Variants in CHRM5 observed in about 807,000 individuals in gnomAD.
The protein encoded by CHRM5 is cholinergic receptor muscarinic 5.
CHRM5 carries 18 observed loss-of-function variants against 39.0 expected under a neutral mutation model. The ratio of observed to expected loss-of-function variants is 0.46; its 90% CI spans 0.32 to 0.68. The LOEUF is 0.68. Among genes scored for constraint, CHRM5 ranks in the 30% least tolerant of loss-of-function variants. The pLI, the probability that CHRM5 is intolerant of heterozygous loss-of-function variation, is 0.04. For missense variants in CHRM5, 515 were observed against 651.1 expected (o/e 0.79, Z 2.28); for synonymous variants, 241 against 246.3 (o/e 0.98, Z 0.20).
chr15:33,983,813 T>C (rs1224510245), intron 1 of CHRM5, among the ~76,000 whole-genome samples: 2 of 151,798 alleles, frequency 1.3e-5, no homozygotes, highest in Non-Finnish European at 2.9e-5. Context: ...GTGATCAGAG[T>C]TAACATCATC....
At chr15:33,983,162 G>GTA (rs1448883605) in intron 1 of CHRM5, among the ~76,000 whole-genome samples, 1 of 87,204 alleles carries the variant, frequency 1.1e-5, no homozygotes, top group East Asian at 5.1e-4. Context: ...GTGTGTGTAT[G>GTA]TGTGTGTGTA....
chr15:33,995,801 G>C (rs1372608917), intron 1 of CHRM5, among the ~76,000 whole-genome samples: 1 of 152,238 alleles, frequency 6.6e-6, no homozygotes, highest in African/African-American at 2.4e-5. Context: ...TTCCAACTGA[G>C]GTACCTGGTT....
intron 1 of CHRM5, among the ~76,000 whole-genome samples, chr15:33,995,395 G>A (rs1431781779): frequency 6.6e-6 from 1 of 152,172 alleles, no homozygotes; most frequent in African/African-American, 2.4e-5. Flanking sequence ...ATTTAAAGAT[G>A]ATTTAAAGTA....
At chr15:34,031,734 G>C (rs947234190) in intron 1 of CHRM5, among the ~76,000 whole-genome samples, 31 of 152,228 alleles carry the variant, frequency 2.0e-4, no homozygotes, top group African/African-American at 7.5e-4. Flanking sequence ...CACAGGAATT[G>C]CCTTTTAAGC....
intron 2 of CHRM5, among the ~76,000 whole-genome samples, chr15:34,055,097 C>T (rs563365825): frequency 1.3e-5 from 2 of 151,706 alleles, no homozygotes; most frequent in South Asian, 4.2e-4. Context: ...GAGGCTGAGG[C>T]AGGAGAATCA....
At chr15:33,996,361 C>G (rs541291927) in intron 1 of CHRM5, among the ~76,000 whole-genome samples, 1 of 152,138 alleles carries the variant, frequency 6.6e-6, no homozygotes, top group African/African-American at 2.4e-5. Context: ...GTTCTGAGAA[C>G]CGACAGACTG....
At chr15:33,978,518 G>C (rs1248578921) in intron 1 of CHRM5, among the ~76,000 whole-genome samples, 1 of 151,902 alleles carries the variant, frequency 6.6e-6, no homozygotes, top group Non-Finnish European at 1.5e-5. Context: ...ACAAAAATTA[G>C]CCGGCATGGT....
chr15:34,047,102 G>A (rs1227129008), intron 2 of CHRM5, among the ~76,000 whole-genome samples: 6 of 150,834 alleles, frequency 4.0e-5, no homozygotes, highest in African/African-American at 1.5e-4. Flanking sequence ...TTTGGAGACG[G>A]AGTCTCGTTC....
At chr15:34,013,429 T>A (rs1897723430) in intron 1 of CHRM5, among the ~76,000 whole-genome samples, 1 of 152,206 alleles carries the variant, frequency 6.6e-6, no homozygotes, top group South Asian at 2.1e-4. Flanking sequence ...TAAACTTATT[T>A]CTTTAAGTAC....
intron 1 of CHRM5, among the ~76,000 whole-genome samples, chr15:34,013,005 G>T (rs1310198897): frequency 2.6e-5 from 4 of 152,120 alleles, no homozygotes. Flanking sequence ...TAATCAAAAT[G>T]AATGTAGCAT....
In CHRM5 at chr15:34,047,043, C is replaced by G. The variant is rs945497304; in HGVS notation, c.-76+172C>G. 4.0e-5 allele frequency among the ~76,000 whole-genome samples: 6 copies of G among 151,278 alleles called. No homozygotes were observed. The South Asian group carries it at 1.3e-3, about 32-fold the overall frequency. ...CGCTCAGGCACAAACAGAGACCTAGCAGGGCTTTTTTGTTTTGGTTTTTTT... is the reference window on the plus strand; with the variant it reads ...CGCTCAGGCACAAACAGAGACCTAGGAGGGCTTTTTTGTTTTGGTTTTTTT... On this transcript the variant is annotated intron_variant, in intron 2 of 2. Transcript: ENST00000383263.
intron 1 of CHRM5, among the ~76,000 whole-genome samples, chr15:34,014,015 A>T (rs546559663): frequency 6.6e-6 from 1 of 152,246 alleles, no homozygotes; most frequent in South Asian, 2.1e-4. Flanking sequence ...CCAAGAGATA[A>T]CAGCTGTTCA....
chr15:34,064,519 T>A lies in CHRM5; in HGVS notation c.*203T>A. 2 of 645,290 alleles carry A rather than the reference T, an allele frequency of 3.1e-6. No individual in the cohort carries two copies. Among genetic ancestry groups the A allele is most frequent in the Middle Eastern group, 4.3e-4 (1 of 2,308 alleles). The allele number at this position is 645,290 out of a possible 1,614,324, so 40.0% of individuals were successfully genotyped here. A position where few individuals can be genotyped will look rare whatever the true frequency, so the allele number is the denominator to read the frequency against. On this transcript the variant is annotated 3_prime_UTR_variant, in exon 3 of 3. Transcript: ENST00000383263. ...GCTGACATATTAAATGACTCTTGCCTATGACCAAGGCCATTTGATGCCAGG... is the reference window on the plus strand; with the variant it reads ...GCTGACATATTAAATGACTCTTGCCAATGACCAAGGCCATTTGATGCCAGG...
intron 1 of CHRM5, among the ~76,000 whole-genome samples, chr15:33,983,743 CAG>C (rs1443518911): frequency 6.6e-6 from 1 of 151,950 alleles, no homozygotes; most frequent in Non-Finnish European, 1.5e-5. Flanking sequence ...AAGGGAAAAA[CAG>C]GGAGTTTACA....
At chr15:33,979,613 T>G (rs964202976) in intron 1 of CHRM5, among the ~76,000 whole-genome samples, 1 of 152,230 alleles carries the variant, frequency 6.6e-6, no homozygotes, top group African/African-American at 2.4e-5. Flanking sequence ...AGCCTCGGTT[T>G]CCTCCTTTAA....
chr15:33,981,447 G>GT lies in CHRM5; in HGVS notation c.-408+12304dup, dbSNP rs532105818. Among the ~76,000 whole-genome samples, 3 of 151,862 alleles carry GT rather than the reference G, an allele frequency of 2.0e-5. No homozygotes were observed. The South Asian group carries it at 6.2e-4, about 32-fold the overall frequency. ...AAGGCACCAAACTAAACATAACCAAGTTTTTTTAAGTAGCCAAAAGCTTTC... is the reference window on the plus strand; with the variant it reads ...AAGGCACCAAACTAAACATAACCAAGTTTTTTTTAAGTAGCCAAAAGCTTTC... On this transcript the variant is annotated intron_variant, in intron 1 of 2. Transcript: ENST00000383263.
chr15:33,994,289 T>C (rs1017685206), intron 1 of CHRM5, among the ~76,000 whole-genome samples: 1 of 152,192 alleles, frequency 6.6e-6, no homozygotes, highest in Admixed American at 6.5e-5. Context: ...GGGATCCAGG[T>C]TGCACGCTCC....
rs1399642278 is a variant in CHRM5, at chr15:33,968,597, GT to G, written c.-959del. On this transcript the variant is annotated 5_prime_UTR_variant, in exon 1 of 3. An upstream open reading frame in the 5' UTR loses its in-frame stop. Transcript: ENST00000383263. Reference sequence around the variant, plus strand: ...AAAAAACAGGGTACCAGAAGCATGGGTTACAAAAGCATGAGGAGGACAGAAG... The same window carrying G: ...AAAAAACAGGGTACCAGAAGCATGGGTACAAAAGCATGAGGAGGACAGAAG... The G allele has an allele frequency of 2.6e-5, 4 of 152,060 alleles. No individual in the cohort carries two copies. The highest frequency in any genetic ancestry group is 9.7e-5 in the African/African-American group (4 of 41,422). The allele number at this position is 152,060 out of a possible 1,614,324, so 9.4% of individuals were successfully genotyped here. A position where few individuals can be genotyped will look rare whatever the true frequency, so the allele number is the denominator to read the frequency against.
rs775509079 is a variant in CHRM5, at chr15:34,063,043, T to C, written c.326T>C (p.Leu109Pro). Residue 109 changes from leucine (L) to proline (P), a missense_variant, in exon 3 of 3, where the codon CTG becomes CCG. Coordinates refer to ENST00000383263, the MANE Select transcript of CHRM5 (RefSeq NM_012125.4). The surrounding 1 kb of genome is among the most constrained non-coding windows in gnomAD (Gnocchi z 4.1). Reference sequence around the variant, plus strand: ...CTGGCTTGTGACCTTTGGCTTGCACTGGACTACGTGGCCAGCAACGCTTCT... The same window carrying C: ...CTGGCTTGTGACCTTTGGCTTGCACCGGACTACGTGGCCAGCAACGCTTCT... ...GSLACDLWLALDYVASNASVM... is the reference protein window; with the variant it reads ...GSLACDLWLAPDYVASNASVM... The C allele has an allele frequency of 9.9e-6, 16 of 1,614,142 alleles. No individual in the cohort carries two copies. The highest frequency in any genetic ancestry group is 2.2e-5 in the East Asian group (1 of 44,896).
Sources: gnomAD v4.1 joint callset for allele counts (sites outside exome capture counted in the v4.1 genomes callset) on GRCh38, gnomAD v4.1.1 for gene constraint, Gnocchi (gnomAD v3.1) non-coding constraint, MANE v1.5 for transcripts, NCBI Gene and HGNC (gene_info 2026-07-23, HGNC 2026-07-21) for gene names.